Variants in JUP observed in about 807,000 individuals in gnomAD.
JUP encodes catenin (cadherin-associated protein), gamma 80kDa.
JUP carries 28 observed loss-of-function variants against 71.1 expected under a neutral mutation model. That is an observed-to-expected ratio of 0.39 (90% CI 0.29 to 0.54). The LOEUF (loss-of-function observed/expected upper bound fraction) is 0.54, where lower values mean the gene tolerates loss of function less well. Ranked by LOEUF, JUP falls within the 20% of genes least tolerant of loss-of-function variation. JUP has a pLI of 0.62. For synonymous variants in JUP, 401 were observed against 438.9 expected, an observed-to-expected ratio of 0.91 and a Z score of 1.08; for missense variants, 869 against 1,030.1, an observed-to-expected ratio of 0.84 and a Z score of 2.14.
intron 8 of JUP, among the ~76,000 whole-genome samples, chr17:41,761,276 G>A (rs1473249968): frequency 6.6e-6 from 1 of 152,172 alleles, no homozygotes; most frequent in Non-Finnish European, 1.5e-5. Flanking sequence ...CGGCCATCTG[G>A]CTGGTGATCA....
intron 8 of JUP, among the ~76,000 whole-genome samples, chr17:41,760,552 C>T (rs550824108): frequency 6.7e-6 from 1 of 149,726 alleles, no homozygotes; most frequent in African/African-American, 2.5e-5. Context: ...GCCACCACGC[C>T]TGGCCATGTT....
chr17:41,781,607 G>C (rs533027503), intron 1 of JUP, among the ~76,000 whole-genome samples: 52 of 152,322 alleles, frequency 3.4e-4, no homozygotes, highest in African/African-American at 1.3e-3. Context: ...CACACTGCTT[G>C]CTTTTCCTCT....
At chr17:41,775,658 TG>T (rs530554320) in intron 1 of JUP, among the ~76,000 whole-genome samples, 1 of 152,098 alleles carries the variant, frequency 6.6e-6, no homozygotes. Flanking sequence ...CTGAGTTGAA[TG>T]GGGGGCCTTT....
Position 41,763,161 on chromosome 17 carries a change from T to A in JUP, c.1319A>T (p.His440Leu). The stretch of plus-strand genomic sequence containing the variant: ...CTTGTCACCAGCACGCAGGATGGCA[T>A]GGATGAGAGCCTCCACACCGCTGTT... ...TQNSGVEALI[H>L]AILRAGDKDD... The change falls in exon 8 of 14, where the codon CAT (histidine) becomes CTT (leucine). Residue 440 changes from histidine to leucine, a missense_variant. Transcript: ENST00000393931. The A allele has an allele frequency of 6.2e-7, 1 of 1,614,208 alleles. No homozygotes were observed. Among genetic ancestry groups the A allele is most frequent in the South Asian group, 1.1e-5 (1 of 91,084 alleles).
intron 1 of JUP, chr17:41,786,106 C>T (rs2047443654): frequency 1.3e-5 from 2 of 152,222 alleles, no homozygotes; most frequent in African/African-American, 4.8e-5. Context: ...AGGGCCCCAC[C>T]CAGGCCTGGG....
intron 2 of JUP, among the ~76,000 whole-genome samples, chr17:41,770,782 G>A (rs1916528309): frequency 6.6e-6 from 1 of 152,350 alleles, no homozygotes; most frequent in Middle Eastern, 3.4e-3. Flanking sequence ...AGCTGAGTCA[G>A]TCACTCATCC....
At chr17:41,763,409 T>A in intron 7 of JUP, 88 bp from the exon 8 acceptor site, 1 of 952,168 alleles carries the variant, frequency 1.1e-6, no homozygotes, top group Non-Finnish European at 1.6e-6. Context: ...TGGGATGACC[T>A]AAAGGGGTCA....
At chr17:41,769,391 C>G in intron 3 of JUP, 27 bp downstream of exon 3, 2 of 1,600,922 alleles carry the variant, frequency 1.2e-6, no homozygotes, top group Non-Finnish European at 1.7e-6. Flanking sequence ...CTGCCCAGCC[C>G]CCACCCTAGC....
intron 12 of JUP, among the ~76,000 whole-genome samples, chr17:41,756,431 T>C (rs561297343): frequency 9.7e-4 from 147 of 152,012 alleles, no homozygotes; most frequent in Non-Finnish European, 1.7e-3. Context: ...ACCCTGTCTC[T>C]ACTAAAAATA....
At chr17:41,761,800 G>A (rs1222937398) in intron 8 of JUP, among the ~76,000 whole-genome samples, 1 of 150,302 alleles carries the variant, frequency 6.7e-6, no homozygotes, top group Non-Finnish European at 1.5e-5. Context: ...CGGGCCTGGT[G>A]TCTCACACCT....
At chr17:41,784,172 G>A (rs997139388) in intron 1 of JUP, among the ~76,000 whole-genome samples, 28 of 152,088 alleles carry the variant, frequency 1.8e-4, no homozygotes, top group African/African-American at 6.8e-4. Flanking sequence ...CTCACTCTAA[G>A]GTGGCTCCAG....
In JUP at chr17:41,769,109, G is replaced by A. The variant is rs35297577; in HGVS notation, c.567C>T (p.Val189=). The part of the protein sequence containing the change: ...LMGSPQLVAA[V]VRTMQNTSDL... ...CGCTGGTATTCTGCATGGTACGCAC[G>A]ACAGCGGCCACCAGCTGGGGCGAGC... Residue 189 remains valine (V), a synonymous_variant, in exon 4 of 14, where the codon GTC becomes GTT. Coordinates refer to ENST00000393931, the MANE Select transcript of JUP (RefSeq NM_002230.4). 2.0e-4 allele frequency: 318 copies of A among 1,612,042 alleles called. No individual in the cohort carries two copies. In the African/African-American group the frequency reaches 2.5e-3, roughly 13 times the overall value.
At chr17:41,755,986 T>C (rs1187071611) in intron 13 of JUP, 91 bp from the exon 14 acceptor site, 32 of 1,470,208 alleles carry the variant, frequency 2.2e-5, no homozygotes, top group Admixed American at 5.9e-5. Context: ...CCTCTACCCA[T>C]GCCCACCCCT....
intron 1 of JUP, among the ~76,000 whole-genome samples, chr17:41,783,148 T>C (rs2047255386): frequency 6.6e-6 from 1 of 150,772 alleles, no homozygotes; most frequent in African/African-American, 2.4e-5. Context: ...TACAGCAGGA[T>C]GGGTTCTGGG....
chr17:41,775,275 T>G (rs2046827050), intron 1 of JUP, among the ~76,000 whole-genome samples: 1 of 151,844 alleles, frequency 6.6e-6, no homozygotes. Context: ...AACGTCAGAG[T>G]TGGGAACCAG....
chr17:41,768,789 C>T (rs1406477380), intron 4 of JUP, among the ~76,000 whole-genome samples, 180 bp downstream of exon 4: 1 of 152,216 alleles, frequency 6.6e-6, no homozygotes, highest in Non-Finnish European at 1.5e-5. Flanking sequence ...GATCATTAAC[C>T]TGCTGTTTAC....
intron 8 of JUP, among the ~76,000 whole-genome samples, chr17:41,759,771 AG>A: frequency 6.6e-6 from 1 of 152,258 alleles, no homozygotes; most frequent in African/African-American, 2.4e-5. Flanking sequence ...TGGGGACGTG[AG>A]CACAGGGCAA....
chr17:41,779,004 A>G (rs2047026653), intron 1 of JUP, among the ~76,000 whole-genome samples: 2 of 152,068 alleles, frequency 1.3e-5, no homozygotes, highest in African/African-American at 4.8e-5. Flanking sequence ...TGGGAGGCCA[A>G]GGCGGGTGGA....
intron 5 of JUP, among the ~76,000 whole-genome samples, chr17:41,766,312 GAAAA>G (rs1915701585): frequency 7.2e-6 from 1 of 138,684 alleles, no homozygotes; most frequent in African/African-American, 3.1e-5. Context: ...AGAGGGAAAG[GAAAA>G]GGAAAAGGAA....
Sources: allele counts gnomAD v4.1 joint callset (sites outside exome capture counted in the v4.1 genomes callset), GRCh38; gene constraint gnomAD v4.1.1; transcripts MANE v1.5; gene names NCBI Gene and HGNC (gene_info 2026-07-23, HGNC 2026-07-21).